TBL1Y: variants seen among roughly 807,000 people sequenced by gnomAD.
TBL1Y encodes transducin beta like 1 Y-linked, also known as F-box-like/WD repeat-containing protein TBL1Y.
A neutral mutation model predicts 12.0 loss-of-function variants in TBL1Y; 15 were observed. The ratio of observed to expected loss-of-function variants is 1.25; its 90% CI spans 0.83 to 1.92. The LOEUF (loss-of-function observed/expected upper bound fraction) is 1.92. Among genes scored for constraint, TBL1Y ranks in the 40% most tolerant of loss-of-function variants. The pLI is 0.00. For synonymous variants in TBL1Y, 53 were observed against 42.6 expected, an observed-to-expected ratio of 1.24 and a Z score of -0.95; for missense variants, 148 against 116.7, an observed-to-expected ratio of 1.27 and a Z score of -1.24.
intron 6 of TBL1Y, chrY:7,042,759 C>G: frequency 2.4e-5 from 2 of 84,281 alleles, no homozygotes; most frequent in Non-Finnish European, 1.7e-5. Flanking sequence ...TTCTAAGATA[C>G]CAATTTTGGT....
At chrY:6,991,646 C>G (rs2012364284) in intron 3 of TBL1Y, among the ~76,000 whole-genome samples, 1 of 33,196 alleles carries the variant, frequency 3.0e-5, no homozygotes, top group South Asian at 7.0e-4. Context: ...TCTCCCTCAC[C>G]ACCTTTAGAA....
chrY:7,076,555 G>T (rs2013063591), intron 13 of TBL1Y, among the ~76,000 whole-genome samples: 1 of 32,464 alleles, frequency 3.1e-5, no homozygotes, highest in Admixed American at 2.9e-4. Flanking sequence ...GCCTTCTGTG[G>T]CTGTGGCAGG....
At chrY:7,073,404 G>C in intron 12 of TBL1Y, among the ~76,000 whole-genome samples, 1 of 32,403 alleles carries the variant, frequency 3.1e-5, no homozygotes, top group African/African-American at 1.2e-4. Context: ...CCTGCACTAG[G>C]ATATAACTAG....
At chrY:6,991,010 C>A (rs557336279) in intron 3 of TBL1Y, among the ~76,000 whole-genome samples, 1 of 33,266 alleles carries the variant, frequency 3.0e-5, no homozygotes, top group South Asian at 6.9e-4. Context: ...ACTTTTCCTC[C>A]TGGTGGCATT....
At chrY:6,992,827 A>G (rs2012376589) in intron 3 of TBL1Y, among the ~76,000 whole-genome samples, 1 of 33,854 alleles carries the variant, frequency 3.0e-5, no homozygotes, top group African/African-American at 1.2e-4. Context: ...GCTCTTTTCC[A>G]TCCCTCTGGC....
rs2011699470 is a variant in TBL1Y at position 6,912,071 on chromosome Y, C to G, written c.-350-17C>G. 5.8e-5 allele frequency: 2 copies of G among 34,355 alleles called. No homozygotes were observed. Among genetic ancestry groups the G allele is most frequent in the Non-Finnish European group, 1.5e-4 (2 of 13,755 alleles). 8.6% of individuals were successfully genotyped at this position (34,355 alleles called of 400,897 possible). ...AACTGTTTTGCATGGTCATGAGTGGCTTGACCTGCCTTCTAGGTGTTTTCC... is the reference window on the plus strand; with the variant it reads ...AACTGTTTTGCATGGTCATGAGTGGGTTGACCTGCCTTCTAGGTGTTTTCC... On this transcript the variant is annotated splice_polypyrimidine_tract_variant and intron_variant, in intron 1 of 18. Transcript: ENST00000383032.
intron 7 of TBL1Y, among the ~76,000 whole-genome samples, chrY:7,059,324 G>T: frequency 3.0e-5 from 1 of 33,372 alleles, no homozygotes. Flanking sequence ...ATAGAGCAAA[G>T]AAGAAAGAGA....
At chrY:6,929,561 G>T (rs2011849674) in intron 2 of TBL1Y, among the ~76,000 whole-genome samples, 3 of 32,949 alleles carry the variant, frequency 9.1e-5, no homozygotes, top group Non-Finnish European at 2.2e-4. Context: ...TGGTATGCCC[G>T]GGTACAACTG....
chrY:6,972,712 G>T, intron 2 of TBL1Y, among the ~76,000 whole-genome samples: 1 of 33,269 alleles, frequency 3.0e-5, no homozygotes. Flanking sequence ...CCTCGCAGGG[G>T]GAGTGACTGC....
At chrY:7,047,727 T>A in intron 7 of TBL1Y, among the ~76,000 whole-genome samples, 2 of 31,895 alleles carry the variant, frequency 6.3e-5, no homozygotes, top group South Asian at 1.4e-3. Context: ...AGTATTTTCC[T>A]GATATTTGAT....
chrY:6,929,304 G>C, intron 2 of TBL1Y, among the ~76,000 whole-genome samples: 1 of 33,576 alleles, frequency 3.0e-5, no homozygotes, highest in African/African-American at 1.2e-4. Flanking sequence ...AGCTACCCTT[G>C]GCCTTCCAGC....
At chrY:7,056,959 G>A in intron 7 of TBL1Y, among the ~76,000 whole-genome samples, 2 of 33,752 alleles carry the variant, frequency 5.9e-5, no homozygotes, top group Non-Finnish European at 1.5e-4. Context: ...CCTGACTCAC[G>A]TGGCCCCTCC....
At chrY:7,041,191 A>G in intron 6 of TBL1Y, among the ~76,000 whole-genome samples, 1 of 33,798 alleles carries the variant, frequency 3.0e-5, no homozygotes, top group Non-Finnish European at 7.3e-5. Flanking sequence ...GTTATCTTCA[A>G]AAGATCTCAG....
At chrY:7,018,674 G>C in intron 4 of TBL1Y, among the ~76,000 whole-genome samples, 2 of 32,604 alleles carry the variant, frequency 6.1e-5, no homozygotes, top group South Asian at 1.4e-3. Flanking sequence ...GGTCAGACAG[G>C]CTCTCAAGCA....
intron 2 of TBL1Y, among the ~76,000 whole-genome samples, chrY:6,968,427 C>T: frequency 3.0e-5 from 1 of 33,644 alleles, no homozygotes; most frequent in Non-Finnish European, 7.3e-5. Flanking sequence ...CTGGATTGTA[C>T]ATTCAAAAGG....
intron 18 of TBL1Y, among the ~76,000 whole-genome samples, chrY:7,090,439 G>A: frequency 2.9e-5 from 1 of 34,129 alleles, no homozygotes; most frequent in South Asian, 6.6e-4. Context: ...TTAAATTGGT[G>A]GTTCTCAACC....
Position 7,002,998 on chromosome Y carries a change from C to A in TBL1Y, c.-140+7100C>A, listed in dbSNP as rs929065107. Among the ~76,000 whole-genome samples, 7 of 34,051 alleles carry A rather than the reference C, an allele frequency of 2.1e-4. No homozygotes were observed. In the East Asian group the frequency reaches 3.9e-3, roughly 19 times the overall value. The allele number at this position is 34,051 out of a possible 37,273, so 91.4% of individuals were successfully genotyped here. A position where few individuals can be genotyped will look rare whatever the true frequency, so the allele number is the denominator to read the frequency against. ...TTCTTTTTAGCCTTGATTAATACAGCAATTCAGTCTATGAGCTGTTATTAT... is the reference window on the plus strand; with the variant it reads ...TTCTTTTTAGCCTTGATTAATACAGAAATTCAGTCTATGAGCTGTTATTAT... On this transcript the variant is annotated intron_variant, in intron 4 of 18. Transcript: ENST00000383032.
intron 2 of TBL1Y, among the ~76,000 whole-genome samples, chrY:6,942,200 C>T: frequency 3.0e-5 from 1 of 32,971 alleles, no homozygotes; most frequent in African/African-American, 1.2e-4. Flanking sequence ...TCCTCGCAGC[C>T]TGCCTTCCTT....
At chrY:6,929,314 C>G in intron 2 of TBL1Y, among the ~76,000 whole-genome samples, 1 of 33,699 alleles carries the variant, frequency 3.0e-5, no homozygotes, top group Non-Finnish European at 7.4e-5. Flanking sequence ...GGCCTTCCAG[C>G]CTCCTTCTTG....
Sources: allele counts gnomAD v4.1 joint callset (sites outside exome capture counted in the v4.1 genomes callset), GRCh38; gene constraint gnomAD v4.1.1; transcripts MANE v1.5; gene names NCBI Gene and HGNC (gene_info 2026-07-23, HGNC 2026-07-21).